Variants in TARS1 observed in about 807,000 individuals in gnomAD.
TARS1 encodes threonyl-tRNA synthetase 1.
A neutral mutation model predicts 97.7 loss-of-function variants in TARS1; 57 were observed. The ratio of observed to expected loss-of-function variants is 0.58; its 90% CI spans 0.47 to 0.73. TARS1 has a LOEUF of 0.73. Among genes scored for constraint, TARS1 ranks in the 30% least tolerant of loss-of-function variants. TARS1 has a pLI of 0.00. For synonymous variants in TARS1, 312 were observed against 293.7 expected (o/e 1.06, Z -0.64); for missense variants, 806 against 888.3 (o/e 0.91, Z 1.18).
At position 33,441,064 on chromosome 5, in the gene TARS1, T is replaced by C. The variant is rs542982498; in HGVS notation, c.-23T>C. On this transcript the variant is annotated 5_prime_UTR_variant, in exon 1 of 19. Coordinates refer to ENST00000265112, the MANE Select transcript of TARS1 (RefSeq NM_152295.5). ...CCTCTAGGCCGTCGCTTTCGGGTTCTCTCATCGCTTCGTCGTTCGCCAATG... is the reference window on the plus strand; with the variant it reads ...CCTCTAGGCCGTCGCTTTCGGGTTCCCTCATCGCTTCGTCGTTCGCCAATG... The C allele has an allele frequency of 4.3e-5, 69 of 1,614,178 alleles. 1 individual carries two copies. The South Asian group carries it at 7.2e-4, about 17-fold the overall frequency.
chr5:33,441,384 G>A (rs553997471), intron 1 of TARS1: 1 of 530,876 alleles, frequency 1.9e-6, no homozygotes, highest in African/African-American at 1.9e-5. Context: ...TGAGGAAACA[G>A]ACCTTGAGTG....
At chr5:33,462,333 G>A in intron 16 of TARS1, 130 bp downstream of exon 16, 1 of 790,844 alleles carries the variant, frequency 1.3e-6, no homozygotes, top group Non-Finnish European at 2.0e-6. Context: ...AACGACAAGT[G>A]TTCATTAAAA....
chr5:33,460,539 G>A (rs1002910569), intron 11 of TARS1, among the ~76,000 whole-genome samples: 1 of 152,238 alleles, frequency 6.6e-6, no homozygotes, highest in Non-Finnish European at 1.5e-5. Flanking sequence ...GATACAGGTA[G>A]CTTAGTGTCT....
At chr5:33,450,655 G>A (rs559223076) in intron 3 of TARS1, among the ~76,000 whole-genome samples, 1 of 152,294 alleles carries the variant, frequency 6.6e-6, no homozygotes, top group South Asian at 2.1e-4. Context: ...TTGATTAATA[G>A]ATTCCTCTGT....
chr5:33,465,405 A>C (rs1561080268), intron 17 of TARS1, among the ~76,000 whole-genome samples: 1 of 152,216 alleles, frequency 6.6e-6, no homozygotes, highest in Non-Finnish European at 1.5e-5. Context: ...TACTCCTGAT[A>C]CCTAATAACT....
At position 33,445,354 on chromosome 5, in the gene TARS1, G is replaced by A; in HGVS notation, c.88G>A (p.Gly30Arg). Reference sequence around the variant, plus strand: ...TGCTGGTGAAGAGAAGCAAAAGGAAGGAGGCAAAAAGAAGAACAAAGAAGG... The same window carrying A: ...TGCTGGTGAAGAGAAGCAAAAGGAAAGAGGCAAAAAGAAGAACAAAGAAGG... ...IGAGEEKQKE[G>R]GKKKNKEGSG... The change falls in exon 2 of 19, where the codon GGA (glycine) becomes AGA (arginine). Residue 30 changes from glycine to arginine, a missense_variant. By Grantham distance (125) the Gly-to-Arg change is moderately radical (BLOSUM62 -2). Transcript: ENST00000265112. 2 of 1,613,100 alleles carry A rather than the reference G, an allele frequency of 1.2e-6. No individual in the cohort carries two copies. Among genetic ancestry groups the A allele is most frequent in the South Asian group, 2.2e-5 (2 of 90,912 alleles).
rs192596481 is a variant in TARS1, at chr5:33,463,991, T to C, written c.1908+166T>C. 2.5e-3 allele frequency among the ~76,000 whole-genome samples: 380 copies of C among 152,364 alleles called. 4 individuals carry two copies. The highest frequency in any genetic ancestry group is 8.8e-3 in the African/African-American group (367 of 41,588). On this transcript the variant is annotated intron_variant, in intron 17 of 18. Transcript: ENST00000265112. ...TAGATTATATTACTTCTTTAATGCT[T>C]TTCTCCATGATTCCATAATCAGAAG...
intron 18 of TARS1, 89 bp from the exon 19 acceptor site, chr5:33,467,471 G>C: frequency 6.7e-7 from 1 of 1,489,870 alleles, no homozygotes; most frequent in Non-Finnish European, 9.0e-7. Flanking sequence ...TAGGTTTTGG[G>C]TCCTAGGATC....
chr5:33,452,287 T>C, intron 3 of TARS1: 5 of 1,340,722 alleles, frequency 3.7e-6, no homozygotes, highest in Non-Finnish European at 5.2e-6. Flanking sequence ...CTATTATTTC[T>C]CTAGCTGTGC....
At chr5:33,445,534 AATC>A (rs1741370225) in intron 2 of TARS1, 130 bp downstream of exon 2, 1 of 666,482 alleles carries the variant, frequency 1.5e-6, no homozygotes, top group Non-Finnish European at 2.5e-6. Context: ...TGGTTGGAAA[AATC>A]AGGAAGAAGA....
chr5:33,455,835 A>T, intron 6 of TARS1, 131 bp downstream of exon 6: 1 of 996,758 alleles, frequency 1.0e-6, no homozygotes, highest in Non-Finnish European at 1.5e-6. Context: ...AAGTGTTTTT[A>T]TTATTTTTTT....
chr5:33,445,879 C>T (rs72737343), intron 2 of TARS1, among the ~76,000 whole-genome samples: 6 of 152,294 alleles, frequency 3.9e-5, no homozygotes, highest in Non-Finnish European at 8.8e-5. Context: ...AGGACAGATC[C>T]CCTTAAGGCC....
At chr5:33,466,775 C>A in intron 17 of TARS1, 96 bp from the exon 18 acceptor site, 2 of 728,804 alleles carry the variant, frequency 2.7e-6, no homozygotes, top group Non-Finnish European at 4.2e-6. Context: ...GAAGTTCATC[C>A]AAGAAGTCCT....
chr5:33,452,225 TCA>T (rs1387284609), intron 3 of TARS1: 1 of 775,370 alleles, frequency 1.3e-6, no homozygotes, highest in African/African-American at 1.7e-5. Flanking sequence ...TACTTTTTCT[TCA>T]CAGTGTAGAA....
chr5:33,458,593 C>T lies in TARS1; in HGVS notation c.1012C>T (p.Leu338Phe), dbSNP rs768296338. Residue 338 changes from leucine (L) to phenylalanine (F), a missense_variant, in exon 10 of 19, where the codon CTC (leucine) becomes TTC (phenylalanine). Leu to Phe is a conservative substitution (Grantham distance 22). Around this residue, in one of 3 missense-constraint regions of TARS1, gnomAD observed 446 missense variants for 511.0 expected, o/e 0.87. Transcript: ENST00000265112. ...RDQELYFFHE[L>F]SPGSCFFLPK... ...CCAAGAACTATATTTCTTTCATGAA[C>T]TCAGCCCTGGAAGTTGCTTTTTTCT... 4 of 1,613,516 alleles carry T rather than the reference C, an allele frequency of 2.5e-6. No individual in the cohort carries two copies. Among genetic ancestry groups the T allele is most frequent in the Admixed American group, 1.7e-5 (1 of 59,972 alleles).
chr5:33,453,304 C>T lies in TARS1; in HGVS notation c.345C>T (p.Asp115=), dbSNP rs1579582610. 4 of 1,506,438 alleles carry T rather than the reference C, an allele frequency of 2.7e-6. 1 individual carries two copies. The East Asian group carries it at 1.0e-4, about 38-fold the overall frequency. 93.3% of individuals were successfully genotyped at this position (1,506,438 alleles called of 1,614,324 possible). ...TTTTTTTAAGTCAAGGCCTGGCCGA[C>T]AACACCGTTATTGCTAAAGTAAATA... is the stretch of plus-strand genomic sequence containing the variant. ...IACGISQGLA[D]NTVIAKVNNV... is the part of the protein sequence containing the mutation. Residue 115 remains aspartate, a synonymous_variant, in exon 4 of 19, where the codon GAC becomes GAT. Transcript: ENST00000265112.
intron 1 of TARS1, among the ~76,000 whole-genome samples, chr5:33,443,306 C>CCTCTCTCCCTCT (rs1741212223): frequency 1.2e-5 from 1 of 85,512 alleles, no homozygotes; most frequent in African/African-American, 4.4e-5. Context: ...GTGGTGATTC[C>CCTCTCTCCCTCT]CTCTCTCTCT....
intron 17 of TARS1, 83 bp downstream of exon 17, chr5:33,463,908 A>G: frequency 8.3e-7 from 1 of 1,199,770 alleles, no homozygotes; most frequent in Non-Finnish European, 1.2e-6. Context: ...ATTCTTGGTG[A>G]ATCGAGCTGT....
chr5:33,447,534 A>C (rs1741480079), intron 2 of TARS1, among the ~76,000 whole-genome samples: 1 of 152,222 alleles, frequency 6.6e-6, no homozygotes, highest in Non-Finnish European at 1.5e-5. Context: ...GGAATGAACC[A>C]CCATGCCCTG....
Sources: allele counts gnomAD v4.1 joint callset (sites outside exome capture counted in the v4.1 genomes callset), GRCh38; gene constraint gnomAD v4.1.1; regional missense constraint gnomAD v4.1.1; transcripts MANE v1.5; gene names NCBI Gene and HGNC (gene_info 2026-07-23, HGNC 2026-07-21).